Variants in NRXN1 observed in about 807,000 individuals in gnomAD.
NRXN1 encodes neurexin-1.
In NRXN1, 39 loss-of-function variants were observed where a neutral mutation model predicts 150.9. The observed-to-expected ratio is 0.26, with a 90% CI of 0.20 to 0.34. The LOEUF (loss-of-function observed/expected upper bound fraction) is 0.34. Ranked by LOEUF, NRXN1 falls within the 10% of genes least tolerant of loss-of-function variation. The pLI is 1.00. For missense variants in NRXN1, 1,815 were observed against 1,949.9 expected (o/e 0.93, Z 1.30); for synonymous variants, 924 against 757.0 (o/e 1.22, Z -3.62).
chr2:50,855,297 T>C (rs1462464388), intron 5 of NRXN1, among the ~76,000 whole-genome samples: 1 of 152,044 alleles, frequency 6.6e-6, no homozygotes, highest in Non-Finnish European at 1.5e-5. Context: ...GCAATGAACG[T>C]ATGTTTCAAA....
intron 2 of NRXN1, among the ~76,000 whole-genome samples, chr2:50,932,052 C>G (rs1687828613): frequency 6.6e-6 from 1 of 151,844 alleles, no homozygotes. Context: ...TTAGTAGACA[C>G]AGGATTTCAC....
chr2:50,477,473 C>A (rs192303292), intron 15 of NRXN1, among the ~76,000 whole-genome samples: 1 of 152,058 alleles, frequency 6.6e-6, no homozygotes, highest in Non-Finnish European at 1.5e-5. Context: ...TTGGGAGCCA[C>A]CAACCAAAAG....
intron 17 of NRXN1, among the ~76,000 whole-genome samples, chr2:50,438,688 G>T (rs1263963890): frequency 6.6e-6 from 1 of 152,150 alleles, no homozygotes; most frequent in Admixed American, 6.5e-5. Flanking sequence ...ATATAGACCT[G>T]TCCTAAGTTT....
At chr2:50,678,968 C>G (rs922653397) in intron 5 of NRXN1, among the ~76,000 whole-genome samples, 1 of 151,958 alleles carries the variant, frequency 6.6e-6, no homozygotes, top group Non-Finnish European at 1.5e-5. Context: ...ATTCTAGGGA[C>G]AGATGTACGG....
intron 8 of NRXN1, among the ~76,000 whole-genome samples, chr2:50,593,525 T>G (rs900332705): frequency 6.6e-6 from 1 of 152,184 alleles, no homozygotes; most frequent in African/African-American, 2.4e-5. Flanking sequence ...AAGATTTAGA[T>G]GAAGAAAAGG....
At chr2:50,325,996 A>G (rs1321527104) in intron 17 of NRXN1, among the ~76,000 whole-genome samples, 1 of 152,234 alleles carries the variant, frequency 6.6e-6, no homozygotes, top group African/African-American at 2.4e-5. Flanking sequence ...AAAGTTTCTA[A>G]GTATGATCTG....
At chr2:50,789,372 G>A (rs1376742203) in intron 5 of NRXN1, among the ~76,000 whole-genome samples, 1 of 152,148 alleles carries the variant, frequency 6.6e-6, no homozygotes, top group African/African-American at 2.4e-5. Context: ...CAAGCACAAT[G>A]TAAAGATTCT....
chr2:50,948,003 TA>T (rs1051261354), intron 2 of NRXN1, among the ~76,000 whole-genome samples: 3 of 151,940 alleles, frequency 2.0e-5, no homozygotes, highest in South Asian at 2.1e-4. Context: ...CAAAATACAT[TA>T]AAAAATCCTT....
intron 18 of NRXN1, among the ~76,000 whole-genome samples, chr2:50,116,619 T>C (rs897145504): frequency 2.0e-5 from 3 of 152,056 alleles, no homozygotes; most frequent in African/African-American, 7.2e-5. Flanking sequence ...CATATACAGA[T>C]GTGGGGGTTC....
intron 5 of NRXN1, among the ~76,000 whole-genome samples, chr2:50,803,387 T>C (rs1340994078): frequency 1.3e-5 from 2 of 152,226 alleles, no homozygotes; most frequent in Non-Finnish European, 2.9e-5. Flanking sequence ...CATGATCAAC[T>C]GAGTCATAAA....
intron 17 of NRXN1, among the ~76,000 whole-genome samples, chr2:50,412,127 A>T (rs112375582): frequency 0.057 from 8,730 of 152,120 alleles, 336 homozygotes; most frequent in Non-Finnish European, 0.082. Flanking sequence ...ATACTCATTA[A>T]GTCATCACCA....
rs2078045869 is a variant in NRXN1 at position 50,346,996 on chromosome 2, G to A, written c.3365-110026C>T. ...CAGCCGCCGCGGGAGGCAAAGTTTG[G>A]GGCGCGGGGAGAGGAGAGGGCGCAG... On this transcript the variant is annotated intron_variant, in intron 17 of 22. Transcript: ENST00000401669. The surrounding 1 kb of genome is among the most constrained non-coding windows in gnomAD (Gnocchi z 5.0). The A allele has an allele frequency of 1.5e-6, 2 of 1,363,504 alleles. No individual in the cohort carries two copies. The highest frequency in any genetic ancestry group is 3.8e-5 in the East Asian group (1 of 26,178). 84.5% of individuals were successfully genotyped at this position (1,363,504 alleles called of 1,614,324 possible).
intron 2 of NRXN1, among the ~76,000 whole-genome samples, chr2:50,983,052 C>T (rs190332378): frequency 1.2e-3 from 190 of 152,098 alleles, no homozygotes; most frequent in African/African-American, 4.4e-3. Flanking sequence ...CACCAAATTA[C>T]TAAAGCCATC....
intron 17 of NRXN1, among the ~76,000 whole-genome samples, chr2:50,253,449 T>C (rs1252323957): frequency 1.3e-5 from 2 of 152,140 alleles, no homozygotes; most frequent in Admixed American, 1.3e-4. Context: ...CAATACAATG[T>C]TGATTGGAAG....
At chr2:50,185,483 G>C (rs770409739) in intron 18 of NRXN1, 3 of 152,026 alleles carry the variant, frequency 2.0e-5, no homozygotes. Context: ...TTCTTCCTAA[G>C]TGGGGCCATG....
chr2:50,321,709 A>G (rs558489158), intron 17 of NRXN1, among the ~76,000 whole-genome samples: 206 of 152,264 alleles, frequency 1.4e-3, no homozygotes, highest in African/African-American at 4.6e-3. Flanking sequence ...AAAAATTAGC[A>G]GTTATTAACT....
At chr2:50,669,277 G>A (rs962474934) in intron 5 of NRXN1, among the ~76,000 whole-genome samples, 8 of 151,892 alleles carry the variant, frequency 5.3e-5, no homozygotes, top group Non-Finnish European at 1.0e-4. Flanking sequence ...AAAAACAGTT[G>A]AAAAAACTCG....
chr2:50,925,974 GAGGGAGA>G lies in NRXN1; in HGVS notation c.773-26_773-20del. 6.4e-7 allele frequency: 1 copy of G among 1,567,864 alleles called. No individual in the cohort carries two copies. Among genetic ancestry groups the G allele is most frequent in the Non-Finnish European group, 8.7e-7 (1 of 1,154,608 alleles). ...TTGTCTTCTGAAAGCACATGACAAG[GAGGGAGA>G]GAAAAGGAAAAACATTCATTAAGCA... is the stretch of plus-strand genomic sequence containing the variant. On this transcript the variant is annotated intron_variant, in intron 2 of 22. Transcript: ENST00000401669.
chr2:50,084,417 G>A (rs534885406), intron 19 of NRXN1, among the ~76,000 whole-genome samples: 1 of 152,222 alleles, frequency 6.6e-6, no homozygotes, highest in Admixed American at 6.5e-5. Flanking sequence ...GCACTGATGG[G>A]GGACCCTGCG....
Sources: allele counts gnomAD v4.1 joint callset (sites outside exome capture counted in the v4.1 genomes callset), GRCh38; gene constraint gnomAD v4.1.1; non-coding constraint Gnocchi (gnomAD v3.1); transcripts MANE v1.5; gene names NCBI Gene and HGNC (gene_info 2026-07-23, HGNC 2026-07-21).